Variants in CAMK2D observed in about 807,000 individuals in gnomAD.
CAMK2D encodes calcium/calmodulin-dependent protein kinase type II subunit delta.
A neutral mutation model predicts 84.0 loss-of-function variants in CAMK2D; 37 were observed. The observed-to-expected ratio is 0.44, with a 90% CI of 0.34 to 0.58. CAMK2D has a LOEUF of 0.58. Among genes scored for constraint, CAMK2D ranks in the 20% least tolerant of loss-of-function variants. The pLI is 0.02. For missense variants in CAMK2D, 448 were observed against 652.5 expected, an observed-to-expected ratio of 0.69 and a Z score of 3.41; for synonymous variants, 202 against 212.5, an observed-to-expected ratio of 0.95 and a Z score of 0.43.
intron 4 of CAMK2D, among the ~76,000 whole-genome samples, chr4:113,570,977 G>T (rs2098750721): frequency 6.6e-6 from 1 of 152,156 alleles, no homozygotes; most frequent in South Asian, 2.1e-4. Flanking sequence ...ATTAAAAAAT[G>T]GACAAAGGAC....
chr4:113,520,709 T>C (rs2098345015), intron 8 of CAMK2D, among the ~76,000 whole-genome samples: 1 of 152,110 alleles, frequency 6.6e-6, no homozygotes, highest in Non-Finnish European at 1.5e-5. Flanking sequence ...TTATGATTAC[T>C]GCCTACATAA....
At chr4:113,560,947 T>C (rs1464153620) in intron 4 of CAMK2D, among the ~76,000 whole-genome samples, 2 of 152,178 alleles carry the variant, frequency 1.3e-5, no homozygotes, top group East Asian at 3.9e-4. Context: ...GAATTCCTTC[T>C]GTGGGTCAGA....
At chr4:113,503,490 TA>T in intron 14 of CAMK2D, among the ~76,000 whole-genome samples, 1 of 152,082 alleles carries the variant, frequency 6.6e-6, no homozygotes, top group South Asian at 2.1e-4. Context: ...GGACAACACT[TA>T]AAAAAAGACT....
chr4:113,568,683 TC>T (rs1411712955), intron 4 of CAMK2D, among the ~76,000 whole-genome samples: 2 of 152,342 alleles, frequency 1.3e-5, no homozygotes, highest in Middle Eastern at 3.4e-3. Flanking sequence ...CATTTTACAT[TC>T]CCACCAGCAA....
At chr4:113,519,188 G>T (rs1224429889) in intron 8 of CAMK2D, among the ~76,000 whole-genome samples, 1 of 152,162 alleles carries the variant, frequency 6.6e-6, no homozygotes, top group Non-Finnish European at 1.5e-5. Flanking sequence ...TTGTAATAGT[G>T]ATAGTTTCCA....
At chr4:113,624,234 G>C (rs1263300120) in intron 3 of CAMK2D, among the ~76,000 whole-genome samples, 1 of 152,120 alleles carries the variant, frequency 6.6e-6, no homozygotes, top group Non-Finnish European at 1.5e-5. Flanking sequence ...TATGTAACAG[G>C]TAAAGAAAAT....
chr4:113,517,694 T>C, intron 8 of CAMK2D, 37 bp from the exon 9 acceptor site: 1 of 936,352 alleles, frequency 1.1e-6, no homozygotes, highest in Non-Finnish European at 1.7e-6. Flanking sequence ...ATTTAAGTCA[T>C]ATAGACAACA....
chr4:113,549,010 A>G (rs1295583068), intron 5 of CAMK2D, among the ~76,000 whole-genome samples: 3 of 152,236 alleles, frequency 2.0e-5, no homozygotes, highest in Admixed American at 6.5e-5. Context: ...AATATGTATA[A>G]GAAGGTAAAA....
intron 12 of CAMK2D, 31 bp downstream of exon 12, chr4:113,513,297 G>T: frequency 1.2e-6 from 2 of 1,608,664 alleles, no homozygotes; most frequent in Non-Finnish European, 8.5e-7. Context: ...GAAGACCAAG[G>T]GATAAGAAGC....
chr4:113,458,247 C>A (rs140109779), intron 18 of CAMK2D, among the ~76,000 whole-genome samples: 81 of 152,280 alleles, frequency 5.3e-4, no homozygotes, highest in South Asian at 1.7e-3. Context: ...GACTGAGTAG[C>A]CCTCACTATG....
intron 2 of CAMK2D, among the ~76,000 whole-genome samples, chr4:113,670,866 T>C (rs546572660): frequency 6.6e-6 from 1 of 151,992 alleles, no homozygotes; most frequent in East Asian, 1.9e-4. Flanking sequence ...AGGCAGAGCT[T>C]GCAGTGAGCC....
chr4:113,748,728 A>T (rs2099610365), intron 2 of CAMK2D, among the ~76,000 whole-genome samples: 1 of 152,104 alleles, frequency 6.6e-6, no homozygotes, highest in South Asian at 2.1e-4. Context: ...CTGAAGAAAA[A>T]GAAAGTGACA....
chr4:113,662,163 A>G (rs1336835010), intron 2 of CAMK2D, among the ~76,000 whole-genome samples: 1 of 152,186 alleles, frequency 6.6e-6, no homozygotes, highest in Non-Finnish European at 1.5e-5. Flanking sequence ...CAATGGAATA[A>G]GTGCTAAGTC....
intron 2 of CAMK2D, among the ~76,000 whole-genome samples, chr4:113,662,148 A>G (rs1315017815): frequency 6.6e-6 from 1 of 152,180 alleles, no homozygotes; most frequent in African/African-American, 2.4e-5. Flanking sequence ...TGGAAATTGA[A>G]TTGCCAATGG....
chr4:113,731,199 A>C (rs1383998913), intron 2 of CAMK2D, among the ~76,000 whole-genome samples: 1 of 152,210 alleles, frequency 6.6e-6, no homozygotes, highest in Non-Finnish European at 1.5e-5. Flanking sequence ...CAAAGTAAAA[A>C]CAAAGATAAT....
chr4:113,606,025 G>A (rs949737467), intron 4 of CAMK2D, among the ~76,000 whole-genome samples: 1 of 151,922 alleles, frequency 6.6e-6, no homozygotes, highest in Admixed American at 6.6e-5. Flanking sequence ...TATCTGATAC[G>A]GATTTTTAAT....
At chr4:113,492,664 G>C (rs2097860504) in intron 16 of CAMK2D, among the ~76,000 whole-genome samples, 1 of 150,314 alleles carries the variant, frequency 6.7e-6, no homozygotes, top group Admixed American at 6.6e-5. Flanking sequence ...AGGTCCACTT[G>C]GTGCAGAGCT....
At position 113,583,725 on chromosome 4, in the gene CAMK2D, A is replaced by G. The variant is rs574805361; in HGVS notation, c.275+25427T>C. On this transcript the variant is annotated intron_variant, in intron 4 of 20. Coordinates refer to ENST00000511664, the MANE Select transcript of CAMK2D (RefSeq NM_001321571.2). ...TATACAGTTACCCTTATAAAAGACA[A>G]GGGTACAGATAGAATGTACTTACTG... 4.3e-4 allele frequency among the ~76,000 whole-genome samples: 66 copies of G among 152,336 alleles called. 2 individuals carry two copies. Among genetic ancestry groups the G allele is most frequent in the African/African-American group, 1.6e-3 (66 of 41,580 alleles).
intron 16 of CAMK2D, among the ~76,000 whole-genome samples, chr4:113,499,834 G>T (rs2098006788): frequency 6.6e-6 from 1 of 152,172 alleles, no homozygotes; most frequent in Non-Finnish European, 1.5e-5. Context: ...GCCAAAGGAG[G>T]TGACCTAACT....
Sources: allele counts gnomAD v4.1 joint callset (sites outside exome capture counted in the v4.1 genomes callset), GRCh38; gene constraint gnomAD v4.1.1; transcripts MANE v1.5; gene names NCBI Gene and HGNC (gene_info 2026-07-23, HGNC 2026-07-21).